Variants in ASTN2 observed in about 807,000 individuals in gnomAD.
ASTN2 encodes the protein astrotactin 2.
A neutral mutation model predicts 139.8 loss-of-function variants in ASTN2; 54 were observed. The observed-to-expected ratio is 0.39, with a 90% confidence interval of 0.31 to 0.48. The LOEUF is 0.48. ASTN2 is among the 20% of genes least tolerant of loss of function. The probability of loss-of-function intolerance (pLI) is 0.95; values close to 1 mark genes in which losing one functional copy is unlikely to be tolerated. For missense variants in ASTN2, 1,565 were observed against 1,725.1 expected, an observed-to-expected ratio of 0.91 and a Z score of 1.64; for synonymous variants, 756 against 719.5, an observed-to-expected ratio of 1.05 and a Z score of -0.81.
At chr9:116,971,550 C>T (rs1309113879) in intron 10 of ASTN2, among the ~76,000 whole-genome samples, 1 of 152,158 alleles carries the variant, frequency 6.6e-6, no homozygotes. Flanking sequence ...AAGCCACAGA[C>T]CTAGCATACT....
At chr9:116,918,217 A>C (rs1834507505) in intron 10 of ASTN2, among the ~76,000 whole-genome samples, 1 of 152,184 alleles carries the variant, frequency 6.6e-6, no homozygotes, top group African/African-American at 2.4e-5. Flanking sequence ...GGACTGATAC[A>C]GTACCCCATA....
intron 17 of ASTN2, among the ~76,000 whole-genome samples, chr9:116,637,397 T>C (rs550313174): frequency 2.6e-5 from 4 of 152,290 alleles, no homozygotes; most frequent in South Asian, 2.1e-4. Flanking sequence ...TGTGAAACAA[T>C]TGTATAAGGT....
intron 12 of ASTN2, among the ~76,000 whole-genome samples, chr9:116,815,170 G>A (rs553001346): frequency 6.6e-6 from 1 of 152,132 alleles, no homozygotes; most frequent in East Asian, 1.9e-4. Context: ...CATTGTCTCT[G>A]TTCTGTCGTT....
chr9:117,335,991 C>T (rs1014755202), intron 1 of ASTN2, among the ~76,000 whole-genome samples: 4 of 149,704 alleles, frequency 2.7e-5, no homozygotes, highest in South Asian at 4.2e-4. Flanking sequence ...TAACAACACA[C>T]GACAGCTTCG....
intron 17 of ASTN2, among the ~76,000 whole-genome samples, chr9:116,628,398 T>C (rs1278935754): frequency 1.3e-5 from 2 of 152,178 alleles, no homozygotes; most frequent in East Asian, 3.9e-4. Context: ...AATCACTGCA[T>C]TGCTATTTCT....
intron 5 of ASTN2, among the ~76,000 whole-genome samples, chr9:117,063,297 C>A (rs1315736721): frequency 6.6e-6 from 1 of 152,046 alleles, no homozygotes; most frequent in Non-Finnish European, 1.5e-5. Context: ...ACTCTGTGTC[C>A]CCACCCAAAT....
intron 11 of ASTN2, among the ~76,000 whole-genome samples, chr9:116,851,255 G>C (rs1832591168): frequency 6.6e-6 from 1 of 152,122 alleles, no homozygotes; most frequent in South Asian, 2.1e-4. Flanking sequence ...TAGCATAAAA[G>C]ACAGGGTCTT....
intron 1 of ASTN2, among the ~76,000 whole-genome samples, chr9:117,308,458 A>G (rs147832635): frequency 6.6e-6 from 1 of 152,272 alleles, no homozygotes; most frequent in East Asian, 1.9e-4. Flanking sequence ...TATGGAGCAC[A>G]TCTGCTTGCC....
At position 116,612,931 on chromosome 9, in the gene ASTN2, G is replaced by A. The variant is rs1034118718; in HGVS notation, c.3355+5393C>T. The A allele has an allele frequency of 4.7e-5, 7 of 149,112 alleles. 1 individual carries two copies. In the East Asian group the frequency reaches 1.4e-3, roughly 29 times the overall value. 9.2% of individuals were successfully genotyped at this position (149,112 alleles called of 1,614,324 possible). A position where few individuals can be genotyped will look rare whatever the true frequency, so the allele number is the denominator to read the frequency against. ...ACCCTTCAAAAAATCAATGAATCCAGGAGCTGGTTTTTTGAAAAAATCAAC... is the reference window on the plus strand; with the variant it reads ...ACCCTTCAAAAAATCAATGAATCCAAGAGCTGGTTTTTTGAAAAAATCAAC... On this transcript the variant is annotated intron_variant, in intron 19 of 22. Coordinates refer to ENST00000313400, the MANE Select transcript of ASTN2 (RefSeq NM_001365068.1).
chr9:117,018,941 G>A (rs998337044), intron 6 of ASTN2, among the ~76,000 whole-genome samples: 8 of 152,116 alleles, frequency 5.3e-5, no homozygotes, highest in Non-Finnish European at 8.8e-5. Context: ...GCACAGCTAG[G>A]AAACTGATGA....
chr9:116,776,233 T>C (rs1040345659), intron 13 of ASTN2, among the ~76,000 whole-genome samples: 1 of 152,202 alleles, frequency 6.6e-6, no homozygotes, highest in Non-Finnish European at 1.5e-5. Context: ...CTAGATATAT[T>C]CCCTCTTTTG....
chr9:117,161,063 G>A (rs1413531447), intron 3 of ASTN2, among the ~76,000 whole-genome samples: 1 of 152,016 alleles, frequency 6.6e-6, no homozygotes, highest in African/African-American at 2.4e-5. Flanking sequence ...CAATTCTCAA[G>A]GGATCTTATC....
chr9:117,055,855 C>A (rs1839044649), intron 5 of ASTN2, among the ~76,000 whole-genome samples: 1 of 152,210 alleles, frequency 6.6e-6, no homozygotes, highest in African/African-American at 2.4e-5. Flanking sequence ...TTGCATATAT[C>A]CAATGCAAGA....
At chr9:116,911,625 T>C (rs1260842528) in intron 10 of ASTN2, among the ~76,000 whole-genome samples, 1 of 152,126 alleles carries the variant, frequency 6.6e-6, no homozygotes, top group Non-Finnish European at 1.5e-5. Context: ...AATAGGTGGT[T>C]TATGCGCGGT....
At chr9:116,554,223 T>C (rs1371700062) in intron 19 of ASTN2, among the ~76,000 whole-genome samples, 1 of 152,118 alleles carries the variant, frequency 6.6e-6, no homozygotes, top group Non-Finnish European at 1.5e-5. Context: ...ACAGTGTTGC[T>C]GTGAAAAATA....
chr9:116,607,835 C>T (rs1438770298), intron 19 of ASTN2, among the ~76,000 whole-genome samples: 1 of 152,108 alleles, frequency 6.6e-6, no homozygotes, highest in Non-Finnish European at 1.5e-5. Flanking sequence ...GTGGCACGCA[C>T]CTGTAGTCCC....
intron 1 of ASTN2, among the ~76,000 whole-genome samples, chr9:117,373,212 T>C (rs1830033459): frequency 6.6e-6 from 1 of 152,226 alleles, no homozygotes; most frequent in Admixed American, 6.5e-5. Context: ...ATGCAGAAAT[T>C]ATGGCTTATA....
In ASTN2 at chr9:117,242,224, T is replaced by A. The variant is rs73517226; in HGVS notation, c.631-27482A>T. Among the ~76,000 whole-genome samples, 1,258 of 152,174 alleles carry A rather than the reference T, an allele frequency of 8.3e-3. 20 individuals carry two copies. The highest frequency in any genetic ancestry group is 0.029 in the African/African-American group (1,195 of 41,528). On this transcript the variant is annotated intron_variant, in intron 2 of 22. Transcript: ENST00000313400. ...CTATTTGGAATGGTTCCCCTGGACA[T>A]AGCCTACATCCTCCCAAGCATTCCT... is the stretch of plus-strand genomic sequence containing the variant.
intron 16 of ASTN2, among the ~76,000 whole-genome samples, chr9:116,684,008 G>A (rs1860049720): frequency 6.6e-6 from 1 of 152,162 alleles, no homozygotes; most frequent in South Asian, 2.1e-4. Context: ...CTGTCATACA[G>A]TCCCTGTACA....
Sources: gnomAD v4.1 joint callset for allele counts (sites outside exome capture counted in the v4.1 genomes callset) on GRCh38, gnomAD v4.1.1 for gene constraint, MANE v1.5 for transcripts, NCBI Gene and HGNC (gene_info 2026-07-23, HGNC 2026-07-21) for gene names.